Variants in CGN observed in about 807,000 individuals in gnomAD.
CGN encodes the protein cingulin.
In CGN, 121 loss-of-function variants were observed where a neutral mutation model predicts 157.1. The observed-to-expected ratio is 0.77, with a 90% CI of 0.66 to 0.90. The LOEUF is 0.90. Ranked by LOEUF, CGN falls within the 40% of genes least tolerant of loss-of-function variation. The pLI is 0.00. For synonymous variants in CGN, 535 were observed against 607.5 expected (o/e 0.88, Z 1.76); for missense variants, 1,424 against 1,520.9 (o/e 0.94, Z 1.06).
chr1:151,526,851 C>T, intron 9 of CGN, 124 bp from the exon 10 acceptor site: 3 of 1,038,712 alleles, frequency 2.9e-6, no homozygotes, highest in Non-Finnish European at 4.3e-6. Flanking sequence ...CTTCCTTCCT[C>T]TTGAGAGTTG....
In CGN at chr1:151,537,490, TAAA is replaced by T. The variant is rs5777776; in HGVS notation, c.*154_*156del. ...CAGGGAGGGGTCAGAGTGATGGTGA[TAAA>T]AAAAAAAAATCATCAGCAATAAGCT... On this transcript the variant is annotated 3_prime_UTR_variant, in exon 21 of 21. Coordinates refer to ENST00000271636, the MANE Select transcript of CGN (RefSeq NM_020770.3). The T allele has an allele frequency of 3.5e-5, 15 of 432,762 alleles. No homozygotes were observed. The highest frequency in any genetic ancestry group is 1.2e-4 in the Admixed American group (3 of 25,076). 26.8% of individuals were successfully genotyped at this position (432,762 alleles called of 1,614,324 possible). A position where few individuals can be genotyped will look rare whatever the true frequency, so the allele number is the denominator to read the frequency against.
chr1:151,518,090 A>AC (rs1664452086), intron 1 of CGN, among the ~76,000 whole-genome samples: 1 of 152,136 alleles, frequency 6.6e-6, no homozygotes, highest in Non-Finnish European at 1.5e-5. Context: ...CAAGCAGTCC[A>AC]CCCGCCTTGG....
At chr1:151,520,352 T>G (rs1052529522) in intron 3 of CGN, 62 bp from the exon 4 acceptor site, 1 of 1,567,596 alleles carries the variant, frequency 6.4e-7, no homozygotes, top group African/African-American at 1.4e-5. Flanking sequence ...GATTTTACCC[T>G]TTCCTGATCT....
chr1:151,526,748 A>G (rs1664689803), intron 9 of CGN, among the ~76,000 whole-genome samples: 1 of 152,224 alleles, frequency 6.6e-6, no homozygotes, highest in Non-Finnish European at 1.5e-5. Context: ...TGCTGGGATT[A>G]CAGGCATGAG....
rs867096498 is a variant in CGN at position 151,523,506 on chromosome 1, C to A, written c.1213C>A (p.Arg405=). 1.9e-6 allele frequency: 3 copies of A among 1,613,046 alleles called. No homozygotes were observed. Among genetic ancestry groups the A allele is most frequent in the East Asian group, 2.2e-5 (1 of 44,806 alleles). The change falls in exon 6 of 21, where the codon CGA becomes AGA. Residue 405 remains arginine, a synonymous_variant. Coordinates refer to ENST00000271636, the MANE Select transcript of CGN (RefSeq NM_020770.3). The part of the protein sequence containing the change: ...QLEEKTEECS[R]LQELLERRKG... ...GGAGGAGAAAACAGAAGAGTGCAGC[C>A]GACTGCAGGAGCTGCTGGAGAGGAG...
At chr1:151,518,057 G>C (rs1380107071) in intron 1 of CGN, among the ~76,000 whole-genome samples, 3 of 152,078 alleles carry the variant, frequency 2.0e-5, no homozygotes, top group Non-Finnish European at 4.4e-5. Flanking sequence ...ATGTTGCCCG[G>C]ACTGGTCTTG....
intron 20 of CGN, 65 bp downstream of exon 20, chr1:151,536,958 T>A: frequency 6.6e-7 from 1 of 1,521,426 alleles, no homozygotes; most frequent in Non-Finnish European, 9.0e-7. Flanking sequence ...TGGTCTCTCC[T>A]GTGCTGGATA....
chr1:151,513,090 C>T (rs942007166), intron 1 of CGN, among the ~76,000 whole-genome samples: 1 of 152,220 alleles, frequency 6.6e-6, no homozygotes, highest in Non-Finnish European at 1.5e-5. Flanking sequence ...TTCATCTGCT[C>T]CTCCTGCCTG....
chr1:151,534,192 C>T, intron 15 of CGN, 56 bp downstream of exon 15: 1 of 1,496,694 alleles, frequency 6.7e-7, no homozygotes, highest in East Asian at 2.5e-5. Context: ...AAGCCTCTTT[C>T]TGTACTAGCG....
rs1360780612 is a variant in CGN, at chr1:151,534,231, G to A, written c.2904+95G>A. On this transcript the variant is annotated intron_variant, in intron 15 of 20. Transcript: ENST00000271636. ...AAAACCGACAGCCCACAGTTGATGAGTTTTGTTTGGCTGCAGTATTTTCAA... is the reference window on the plus strand; with the variant it reads ...AAAACCGACAGCCCACAGTTGATGAATTTTGTTTGGCTGCAGTATTTTCAA... The A allele has an allele frequency of 5.0e-6, 6 of 1,198,000 alleles. No homozygotes were observed. The African/African-American group carries it at 9.5e-5, about 19-fold the overall frequency. 74.2% of individuals were successfully genotyped at this position (1,198,000 alleles called of 1,614,324 possible).
Position 151,537,465 on chromosome 1 carries a change from CAGGG to C in CGN, c.*124_*127del. On this transcript the variant is annotated 3_prime_UTR_variant, in exon 21 of 21. Coordinates refer to ENST00000271636, the MANE Select transcript of CGN (RefSeq NM_020770.3). ...GTGACCCAATTATTCAGACCTAAGA[CAGGG>C]AGGGGTCAGAGTGATGGTGATAAAA... 2.5e-6 allele frequency: 2 copies of C among 812,634 alleles called. No homozygotes were observed. Among genetic ancestry groups the C allele is most frequent in the Non-Finnish European group, 3.7e-6 (2 of 537,786 alleles). 50.3% of individuals were successfully genotyped at this position (812,634 alleles called of 1,614,324 possible).
chr1:151,527,600 T>G (rs532803845), intron 10 of CGN, among the ~76,000 whole-genome samples: 1 of 152,256 alleles, frequency 6.6e-6, no homozygotes, highest in South Asian at 2.1e-4. Flanking sequence ...GTAACAAAAC[T>G]AATTAGCAAA....
chr1:151,525,402 A>C (rs897438650), intron 8 of CGN, among the ~76,000 whole-genome samples: 7 of 152,032 alleles, frequency 4.6e-5, no homozygotes, highest in Non-Finnish European at 1.0e-4. Flanking sequence ...CTGTCCCCCT[A>C]AAAATAAAAA....
Position 151,524,867 on chromosome 1 carries a change from G to A in CGN, c.1595G>A (p.Ser532Asn). Residue 532 changes from serine to asparagine, a missense_variant, in exon 8 of 21, where the codon AGC (serine) becomes AAC (asparagine). This residue lies in a region of CGN where 1,187 missense variants were observed against 1,217.6 expected (regional missense o/e 0.97). Coordinates refer to ENST00000271636, the MANE Select transcript of CGN (RefSeq NM_020770.3). The surrounding 1 kb of genome is among the most constrained non-coding windows in gnomAD (Gnocchi z 4.4). ...YQRDTEQLRR[S>N]MQDATQDHAV... The stretch of plus-strand genomic sequence containing the variant: ...CGAGACACAGAGCAGCTCCGCAGGA[G>A]CATGCAAGATGCAACCCAGGCATGT... 2 of 1,611,518 alleles carry A rather than the reference G, an allele frequency of 1.2e-6. No individual in the cohort carries two copies. The highest frequency in any genetic ancestry group is 1.7e-6 in the Non-Finnish European group (2 of 1,179,756).
chr1:151,510,989 G>C (rs1557983512), upstream of CGN: 1 of 152,278 alleles, frequency 6.6e-6, no homozygotes, highest in Non-Finnish European at 1.5e-5. Context: ...GAGCATTCTG[G>C]TTCCTGCAGA....
intron 13 of CGN, among the ~76,000 whole-genome samples, chr1:151,531,544 G>C (rs1664837471): frequency 6.6e-6 from 1 of 151,944 alleles, no homozygotes; most frequent in Non-Finnish European, 1.5e-5. Flanking sequence ...TGTATTCCCA[G>C]CTACTCGGAA....
Position 151,535,673 on chromosome 1 carries a change from T to C in CGN, c.3068T>C (p.Leu1023Ser). Residue 1023 changes from leucine (L) to serine (S), a missense_variant, in exon 17 of 21, where the codon TTG becomes TCG. By Grantham distance (145) the Leu-to-Ser change is moderately radical. Around this residue, in one of 3 missense-constraint regions of CGN, gnomAD observed 199 missense variants for 272.2 expected, o/e 0.73. Coordinates refer to ENST00000271636, the MANE Select transcript of CGN (RefSeq NM_020770.3). ...RQDLECDKIS[L>S]ERQNKDLKTR... is the part of the protein sequence containing the mutation. Reference sequence around the variant, plus strand: ...GACCTGGAGTGTGACAAAATCTCCTTGGAGAGACAGGTGATGGGGGAGGGG... The same window carrying C: ...GACCTGGAGTGTGACAAAATCTCCTCGGAGAGACAGGTGATGGGGGAGGGG... 6.2e-7 allele frequency: 1 copy of C among 1,613,948 alleles called. No individual in the cohort carries two copies. Among genetic ancestry groups the C allele is most frequent in the Non-Finnish European group, 8.5e-7 (1 of 1,179,854 alleles).
At chr1:151,521,686 A>G (rs950767736) in intron 5 of CGN, among the ~76,000 whole-genome samples, 3 of 152,062 alleles carry the variant, frequency 2.0e-5, no homozygotes, top group Admixed American at 2.0e-4. Flanking sequence ...TAAAAATACA[A>G]AATTAGCCTG....
At chr1:151,522,656 C>A (rs568981921) in intron 5 of CGN, among the ~76,000 whole-genome samples, 23 of 147,850 alleles carry the variant, frequency 1.6e-4, no homozygotes, top group African/African-American at 5.2e-4. Context: ...AAACAAAAAA[C>A]CAGGCCGGGC....
Sources: gnomAD v4.1 joint callset for allele counts (sites outside exome capture counted in the v4.1 genomes callset) on GRCh38, gnomAD v4.1.1 for gene constraint, gnomAD v4.1.1 regional missense constraint, Gnocchi (gnomAD v3.1) non-coding constraint, MANE v1.5 for transcripts, NCBI Gene and HGNC (gene_info 2026-07-23, HGNC 2026-07-21) for gene names.